The following TMEM132D variants were observed in gnomAD, a reference collection of about 807,000 sequenced individuals.
TMEM132D encodes the protein mature OL transmembrane protein.
In TMEM132D, 21 loss-of-function variants were observed where a neutral mutation model predicts 62.3. The ratio of observed to expected loss-of-function variants is 0.34; its 90% CI spans 0.24 to 0.49. The LOEUF (loss-of-function observed/expected upper bound fraction) is 0.49. Ranked by LOEUF, TMEM132D falls within the 20% of genes least tolerant of loss-of-function variation. TMEM132D has a pLI of 0.99. For missense variants in TMEM132D, 1,346 were observed against 1,402.8 expected (o/e 0.96, Z 0.65); for synonymous variants, 621 against 575.6 (o/e 1.08, Z -1.13).
intron 4 of TMEM132D, among the ~76,000 whole-genome samples, chr12:129,306,671 G>C (rs1019522257): frequency 7.2e-5 from 11 of 152,206 alleles, no homozygotes; most frequent in African/African-American, 2.7e-4. Context: ...TCCTACAGCA[G>C]AGAAGTCTGC....
intron 1 of TMEM132D, among the ~76,000 whole-genome samples, chr12:129,820,970 G>C (rs1227880935): frequency 6.6e-6 from 1 of 152,156 alleles, no homozygotes; most frequent in African/African-American, 2.4e-5. Flanking sequence ...AAGTAGCAAA[G>C]ATTATATGTC....
intron 3 of TMEM132D, among the ~76,000 whole-genome samples, chr12:129,406,611 C>G (rs1871798221): frequency 1.4e-5 from 2 of 148,006 alleles, no homozygotes; most frequent in South Asian, 4.2e-4. Flanking sequence ...CAGAGCGAGA[C>G]TCCACCTCAA....
At chr12:129,887,775 C>G (rs189219401) in intron 1 of TMEM132D, among the ~76,000 whole-genome samples, 15 of 152,156 alleles carry the variant, frequency 9.9e-5, no homozygotes, top group Admixed American at 8.5e-4. Flanking sequence ...ATAATATCAG[C>G]ATATCTAGGA....
chr12:129,153,784 G>T (rs1372328052), intron 5 of TMEM132D, among the ~76,000 whole-genome samples: 9 of 152,100 alleles, frequency 5.9e-5, no homozygotes, highest in Non-Finnish European at 1.2e-4. Context: ...GGACGTGATT[G>T]CAATGGCTTG....
intron 3 of TMEM132D, among the ~76,000 whole-genome samples, chr12:129,445,506 T>C (rs760427658): frequency 5.9e-5 from 9 of 152,162 alleles, no homozygotes; most frequent in Non-Finnish European, 4.4e-5. Flanking sequence ...CTCTAGATTC[T>C]GGGGACTGTC....
chr12:129,834,047 G>A (rs1397768101), intron 1 of TMEM132D, among the ~76,000 whole-genome samples: 4 of 152,142 alleles, frequency 2.6e-5, no homozygotes, highest in East Asian at 3.8e-4. Context: ...AGGAACTTTC[G>A]GATCACTGTT....
chr12:129,362,787 C>T (rs771821833), intron 3 of TMEM132D, among the ~76,000 whole-genome samples: 5 of 151,994 alleles, frequency 3.3e-5, no homozygotes, highest in South Asian at 4.1e-4. Flanking sequence ...AATCAGAATA[C>T]GGTAGAATTG....
intron 2 of TMEM132D, among the ~76,000 whole-genome samples, chr12:129,629,048 C>T (rs906191337): frequency 4.6e-5 from 7 of 151,980 alleles, no homozygotes; most frequent in African/African-American, 1.5e-4. Flanking sequence ...CCTTCTCTCC[C>T]TCCATCTGTA....
intron 4 of TMEM132D, among the ~76,000 whole-genome samples, chr12:129,281,091 C>T (rs1044401709): frequency 2.6e-5 from 4 of 152,104 alleles, no homozygotes; most frequent in Non-Finnish European, 4.4e-5. Flanking sequence ...ATAGTACCAA[C>T]CAGGCCTTCT....
chr12:129,826,916 A>G (rs1206615223), intron 1 of TMEM132D, among the ~76,000 whole-genome samples: 4 of 152,264 alleles, frequency 2.6e-5, no homozygotes, highest in Admixed American at 2.6e-4. Flanking sequence ...AAAGAAAAAT[A>G]GAGTGAAAAG....
At chr12:129,261,527 T>C (rs768861389) in intron 4 of TMEM132D, among the ~76,000 whole-genome samples, 3 of 152,236 alleles carry the variant, frequency 2.0e-5, no homozygotes, top group Non-Finnish European at 2.9e-5. Flanking sequence ...TTTTCCTTTA[T>C]AAATTCCTGA....
chr12:129,467,073 A>G (rs1214500494), intron 3 of TMEM132D, among the ~76,000 whole-genome samples: 4 of 152,224 alleles, frequency 2.6e-5, no homozygotes, highest in African/African-American at 9.6e-5. Context: ...CGTCAAATGA[A>G]TAACAGAATA....
rs189611547 is a variant in TMEM132D at position 129,472,713 on chromosome 12, C to T, written c.1115+58346G>A. 6.6e-5 allele frequency among the ~76,000 whole-genome samples: 10 copies of T among 152,270 alleles called. No homozygotes were observed. The East Asian group carries it at 1.9e-3, about 29-fold the overall frequency. ...CAAAGGATTTACAATATTGCTTCAA[C>T]CTAGTTGATAAAACAACAGGTTTTG... On this transcript the variant is annotated intron_variant, in intron 3 of 8. Transcript: ENST00000422113.
At chr12:129,133,607 A>C (rs888693117) in intron 5 of TMEM132D, among the ~76,000 whole-genome samples, 13 of 152,180 alleles carry the variant, frequency 8.5e-5, no homozygotes, top group African/African-American at 3.1e-4. Context: ...GATATGGGCT[A>C]GGTCTGATTA....
intron 2 of TMEM132D, among the ~76,000 whole-genome samples, chr12:129,536,212 G>A (rs1876382947): frequency 6.6e-6 from 1 of 152,094 alleles, no homozygotes; most frequent in African/African-American, 2.4e-5. Flanking sequence ...AGTCCATATA[G>A]GCTCAATCTA....
chr12:129,333,685 C>T (rs900844555), intron 4 of TMEM132D, among the ~76,000 whole-genome samples: 1 of 152,198 alleles, frequency 6.6e-6, no homozygotes, highest in Admixed American at 6.5e-5. Flanking sequence ...GCATCTGGCT[C>T]CTGGAATAGC....
intron 3 of TMEM132D, among the ~76,000 whole-genome samples, chr12:129,381,624 G>C (rs770961340): frequency 1.3e-5 from 2 of 152,178 alleles, no homozygotes; most frequent in Non-Finnish European, 2.9e-5. Context: ...GCCAGGATTA[G>C]ATTCCACGCA....
chr12:129,764,693 C>T, intron 1 of TMEM132D, among the ~76,000 whole-genome samples: 1 of 152,314 alleles, frequency 6.6e-6, no homozygotes, highest in South Asian at 2.1e-4. Flanking sequence ...GTATTCCCAG[C>T]ACTTTAGGAG....
At chr12:129,311,405 T>C (rs930280094) in intron 4 of TMEM132D, among the ~76,000 whole-genome samples, 3 of 152,168 alleles carry the variant, frequency 2.0e-5, no homozygotes, top group African/African-American at 7.2e-5. Flanking sequence ...TAATCAGTTA[T>C]TGGTTGCTTG....
Sources: allele counts gnomAD v4.1 joint callset (sites outside exome capture counted in the v4.1 genomes callset), GRCh38; gene constraint gnomAD v4.1.1; transcripts MANE v1.5; gene names NCBI Gene and HGNC (gene_info 2026-07-23, HGNC 2026-07-21).